ADAMTS14: variants seen among roughly 807,000 people sequenced by gnomAD.
ADAMTS14 encodes the protein A disintegrin and metalloproteinase with thrombospondin motifs 14.
In ADAMTS14, 100 loss-of-function variants were observed where a neutral mutation model predicts 128.6. The observed-to-expected ratio is 0.78, with a 90% confidence interval of 0.66 to 0.92. The LOEUF (loss-of-function observed/expected upper bound fraction) is 0.92. Among genes scored for constraint, ADAMTS14 ranks in the 40% least tolerant of loss-of-function variants. The probability of loss-of-function intolerance (pLI) is 0.00; values close to 1 mark genes in which losing one functional copy is unlikely to be tolerated. For missense variants in ADAMTS14, 1,562 were observed against 1,658.6 expected, an observed-to-expected ratio of 0.94 and a Z score of 1.01; for synonymous variants, 665 against 653.8, an observed-to-expected ratio of 1.02 and a Z score of -0.26.
chr10:70,739,986 T>C (rs1841945728), intron 11 of ADAMTS14, among the ~76,000 whole-genome samples: 1 of 152,252 alleles, frequency 6.6e-6, no homozygotes, highest in Non-Finnish European at 1.5e-5. Flanking sequence ...CAGGGGTCCC[T>C]GTTCTGAGTA....
At chr10:70,736,550 G>T (rs1841832653) in intron 9 of ADAMTS14, 130 bp from the exon 10 acceptor site, 1 of 726,672 alleles carries the variant, frequency 1.4e-6, no homozygotes, top group Non-Finnish European at 2.1e-6. Context: ...CAGGTGAGGG[G>T]CTCTGGCTGC....
In ADAMTS14 at chr10:70,674,429, C is replaced by G. The variant is rs75153076; in HGVS notation, c.83-127C>G. 2.2e-3 allele frequency: 1,981 copies of G among 910,250 alleles called. 9 individuals are homozygous for G. Among genetic ancestry groups the G allele is most frequent in the Non-Finnish European group, 3.0e-3 (1,773 of 600,654 alleles). The allele number at this position is 910,250 out of a possible 1,614,324, so 56.4% of individuals were successfully genotyped here. ...GCAATGGATGGAAAATGGGTGAACT[C>G]AGGCTAAGGGGCCCACCTAAGGGTG... On this transcript the variant is annotated intron_variant, in intron 1 of 21. Coordinates refer to ENST00000373207, the MANE Select transcript of ADAMTS14 (RefSeq NM_080722.4).
rs758624356 is a variant in ADAMTS14 at position 70,738,972 on chromosome 10, G to A, written c.1730G>A (p.Arg577Gln). ...GGGGGCGGGGTGCGATCCCGCAGCC[G>A]GAGCTGCAACAACCCCTCGTGAGTG... ...SCGGGVRSRSRSCNNPSPAYG... is the reference protein window; with the variant it reads ...SCGGGVRSRSQSCNNPSPAYG... The change falls in exon 11 of 22, where the codon CGG (arginine) becomes CAG (glutamine). Residue 577 changes from arginine (R) to glutamine (Q), a missense_variant. Physicochemically the swap from Arg to Gln is conservative, Grantham distance 43. Coordinates refer to ENST00000373207, the MANE Select transcript of ADAMTS14 (RefSeq NM_080722.4). The A allele has an allele frequency of 1.9e-5, 31 of 1,611,452 alleles. No homozygotes were observed. The highest frequency in any genetic ancestry group is 2.2e-5 in the Non-Finnish European group (26 of 1,178,716).
In ADAMTS14 at chr10:70,733,655, T is replaced by C. The variant is rs374100398; in HGVS notation, c.1209-230T>C. Among the ~76,000 whole-genome samples the C allele has an allele frequency of 1.1e-3, 161 of 152,184 alleles. 1 individual carries two copies. The highest frequency in any genetic ancestry group is 3.8e-3 in the African/African-American group (156 of 41,542). The stretch of plus-strand genomic sequence containing the variant: ...AGAAGGGGTGGGTGTCTGGGAGTGG[T>C]GAACAGCAGGAGCGAAGGCTTGGAG... On this transcript the variant is annotated intron_variant, in intron 7 of 21. Coordinates refer to ENST00000373207, the MANE Select transcript of ADAMTS14 (RefSeq NM_080722.4).
intron 2 of ADAMTS14, among the ~76,000 whole-genome samples, chr10:70,682,429 G>A (rs1173935518): frequency 6.6e-6 from 1 of 152,226 alleles, no homozygotes. Context: ...TCAGCAGCAT[G>A]TGCTGGGGGG....
chr10:70,733,821 C>A, intron 7 of ADAMTS14, 64 bp from the exon 8 acceptor site: 1 of 1,557,180 alleles, frequency 6.4e-7, no homozygotes, highest in Non-Finnish European at 8.7e-7. Context: ...GCCTGCCTGC[C>A]TGCCTGCCTT....
intron 4 of ADAMTS14, among the ~76,000 whole-genome samples, chr10:70,709,625 C>T (rs944821055): frequency 2.6e-5 from 4 of 151,610 alleles, no homozygotes; most frequent in African/African-American, 9.7e-5. Flanking sequence ...CTCAGCCTCC[C>T]AAGTAGCTGG....
intron 2 of ADAMTS14, 116 bp downstream of exon 2, chr10:70,675,111 C>T: frequency 7.7e-7 from 1 of 1,296,978 alleles, no homozygotes; most frequent in Non-Finnish European, 1.1e-6. Flanking sequence ...GGTGGTGCTG[C>T]CTTCCAGAGG....
rs758015844 is a variant in ADAMTS14 at position 70,760,497 on chromosome 10, C to T, written c.3316C>T (p.Pro1106Ser). The T allele has an allele frequency of 6.2e-7, 1 of 1,613,978 alleles. No homozygotes were observed. The highest frequency in any genetic ancestry group is 2.2e-5 in the East Asian group (1 of 44,884). ...KASGPNPGPD[P>S]GPTSLPPFST... Reference sequence around the variant, plus strand: ...CTCGGGCCCCAACCCTGGCCCAGACCCTGGCCCAACCTCACTGCCCCCCTT... The same window carrying T: ...CTCGGGCCCCAACCCTGGCCCAGACTCTGGCCCAACCTCACTGCCCCCCTT... The change falls in exon 22 of 22, where the codon CCT (proline) becomes TCT (serine). Residue 1106 changes from proline (P) to serine (S), a missense_variant. By Grantham distance (74) the Pro-to-Ser change is moderately conservative. Coordinates refer to ENST00000373207, the MANE Select transcript of ADAMTS14 (RefSeq NM_080722.4).
At chr10:70,674,066 C>G (rs1839565795) in intron 1 of ADAMTS14, among the ~76,000 whole-genome samples, 1 of 152,148 alleles carries the variant, frequency 6.6e-6, no homozygotes, top group South Asian at 2.1e-4. Flanking sequence ...TGACACGTGC[C>G]CATGGTCCCC....
rs934450723 is a variant in ADAMTS14 at position 70,702,526 on chromosome 10, C to T, written c.679+58C>T. 72 of 1,541,790 alleles carry T rather than the reference C, an allele frequency of 4.7e-5. No homozygotes were observed. The African/African-American group carries it at 6.0e-4, about 13-fold the overall frequency. Reference sequence around the variant, plus strand: ...CTCTCCCTACCTCTGGAGTGTTTCCCGGTCACTTCTGTCCTTAAGCTGTCC... The same window carrying T: ...CTCTCCCTACCTCTGGAGTGTTTCCTGGTCACTTCTGTCCTTAAGCTGTCC... On this transcript the variant is annotated intron_variant, in intron 3 of 21. Transcript: ENST00000373207.
In ADAMTS14 at chr10:70,717,938, C is replaced by T. The variant is rs11591960; in HGVS notation, c.870+9160C>T. Among the ~76,000 whole-genome samples the T allele has an allele frequency of 3.9e-3, 593 of 152,322 alleles. 2 individuals carry two copies. The highest frequency in any genetic ancestry group is 5.8e-3 in the Non-Finnish European group (395 of 68,034). On this transcript the variant is annotated intron_variant, in intron 4 of 21. Transcript: ENST00000373207. ...GGGTCCTACCAGCTCTGACCTGCCT[C>T]AGAGCCCCTTTCTGAGCCTGGGGCC... is the stretch of plus-strand genomic sequence containing the variant.
intron 6 of ADAMTS14, among the ~76,000 whole-genome samples, chr10:70,731,925 G>A (rs570146099): frequency 1.8e-4 from 27 of 152,250 alleles, no homozygotes; most frequent in Admixed American, 1.2e-3. Context: ...GAAAGTGTTC[G>A]GAGCTTGTTT....
intron 6 of ADAMTS14, 84 bp from the exon 7 acceptor site, chr10:70,732,170 G>A: frequency 1.7e-6 from 2 of 1,191,520 alleles, no homozygotes; most frequent in Non-Finnish European, 2.5e-6. Context: ...CTGACCAGAG[G>A]GCTGGGCTGG....
At chr10:70,707,758 G>A (rs1411575133) in intron 3 of ADAMTS14, among the ~76,000 whole-genome samples, 2 of 152,176 alleles carry the variant, frequency 1.3e-5, no homozygotes, top group African/African-American at 4.8e-5. Context: ...AGACTAGATT[G>A]GGTTGCATTA....
chr10:70,708,565 C>T, intron 3 of ADAMTS14, 23 bp from the exon 4 acceptor site: 1 of 1,584,560 alleles, frequency 6.3e-7, no homozygotes, highest in Non-Finnish European at 8.6e-7. Context: ...TTGGACCTCA[C>T]TCTCTTCCTG....
chr10:70,707,378 A>G (rs527566889), intron 3 of ADAMTS14, among the ~76,000 whole-genome samples: 67 of 152,294 alleles, frequency 4.4e-4, no homozygotes, highest in South Asian at 8.3e-4. Context: ...GAAGGTTCTT[A>G]GAAATTAATG....
At chr10:70,673,849 G>A (rs892524887) in intron 1 of ADAMTS14, among the ~76,000 whole-genome samples, 1 of 152,166 alleles carries the variant, frequency 6.6e-6, no homozygotes, top group Non-Finnish European at 1.5e-5. Flanking sequence ...ATGTGGCCTG[G>A]AGCATGGGGC....
chr10:70,708,822 GTGGGC>G (rs1589284175), intron 4 of ADAMTS14, 44 bp downstream of exon 4: 90 of 1,307,462 alleles, frequency 6.9e-5, no homozygotes, highest in Non-Finnish European at 8.9e-5. Flanking sequence ...GTGGGGTGGG[GTGGGC>G]CCCACCCCAC....
Sources: allele counts gnomAD v4.1 joint callset (sites outside exome capture counted in the v4.1 genomes callset), GRCh38; gene constraint gnomAD v4.1.1; transcripts MANE v1.5; gene names NCBI Gene and HGNC (gene_info 2026-07-23, HGNC 2026-07-21).